The following TAFA5 variants were observed in gnomAD, a reference collection of about 807,000 sequenced individuals.
TAFA5 encodes chemokine-like protein TAFA-5.
TAFA5 carries 6 observed loss-of-function variants against 15.3 expected under a neutral mutation model. That is an observed-to-expected ratio of 0.39 (90% CI 0.21 to 0.77). TAFA5 has a LOEUF of 0.77. Ranked by LOEUF, TAFA5 falls within the 30% of genes least tolerant of loss-of-function variation. TAFA5 has a pLI of 0.41. For missense variants in TAFA5, 161 were observed against 193.1 expected, an observed-to-expected ratio of 0.83 and a Z score of 0.98; for synonymous variants, 103 against 80.7, an observed-to-expected ratio of 1.28 and a Z score of -1.48.
chr22:48,691,151 G>A (rs770382618), intron 2 of TAFA5, among the ~76,000 whole-genome samples: 7 of 152,156 alleles, frequency 4.6e-5, no homozygotes, highest in Admixed American at 2.0e-4. Context: ...AGGGCGGCCC[G>A]GGGACCATTG....
intron 1 of TAFA5, among the ~76,000 whole-genome samples, chr22:48,625,509 C>CT (rs1394463042): frequency 6.6e-6 from 1 of 152,216 alleles, no homozygotes; most frequent in Non-Finnish European, 1.5e-5. Context: ...CGGGAAGCAC[C>CT]TTTATCAACT....
chr22:48,661,452 A>G (rs989880890), intron 2 of TAFA5, among the ~76,000 whole-genome samples: 1 of 152,168 alleles, frequency 6.6e-6, no homozygotes. Flanking sequence ...ACCATGCATG[A>G]TGAGCCGGTG....
At chr22:48,603,353 C>T (rs1320010926) in intron 1 of TAFA5, among the ~76,000 whole-genome samples, 6 of 152,230 alleles carry the variant, frequency 3.9e-5, no homozygotes, top group South Asian at 2.1e-4. Flanking sequence ...CTGAGGGAGG[C>T]GGCCACGCAG....
intron 1 of TAFA5, among the ~76,000 whole-genome samples, chr22:48,570,131 T>C (rs1449080183): frequency 2.0e-5 from 3 of 152,228 alleles, no homozygotes; most frequent in Non-Finnish European, 4.4e-5. Flanking sequence ...CCACACTGGA[T>C]GGATTCTGCC....
chr22:48,707,221 A>G (rs1393936661), intron 2 of TAFA5, among the ~76,000 whole-genome samples: 1 of 152,072 alleles, frequency 6.6e-6, no homozygotes, highest in Non-Finnish European at 1.5e-5. Flanking sequence ...CCAGTCAAGG[A>G]TGGGAAATCG....
rs145119470 is a variant in TAFA5 at position 48,644,120 on chromosome 22, TCTC to T, written c.113-2476_113-2474del. 8.9e-3 allele frequency among the ~76,000 whole-genome samples: 1,350 copies of T among 152,342 alleles called. 19 individuals are homozygous for T. The highest frequency in any genetic ancestry group is 0.031 in the African/African-American group (1,288 of 41,566). On this transcript the variant is annotated intron_variant, in intron 1 of 3. Transcript: ENST00000402357. ...TCGTGGTATTTATTCATCCACTTCTTCTCTTGCTCATTTGGTGTCGCCCTTTTC... is the reference window on the plus strand; with the variant it reads ...TCGTGGTATTTATTCATCCACTTCTTTTGCTCATTTGGTGTCGCCCTTTTC...
chr22:48,551,208 CT>C (rs1922843856), intron 1 of TAFA5, among the ~76,000 whole-genome samples: 1 of 152,138 alleles, frequency 6.6e-6, no homozygotes, highest in African/African-American at 2.4e-5. Context: ...CCCAGGGCCC[CT>C]GACCCTGACC....
chr22:48,494,726 C>T (rs761685840), intron 1 of TAFA5, among the ~76,000 whole-genome samples: 5 of 152,184 alleles, frequency 3.3e-5, no homozygotes, highest in Non-Finnish European at 5.9e-5. Flanking sequence ...TCCTCCCTTC[C>T]GGACTTCTCC....
At chr22:48,588,353 G>T (rs940232296) in intron 1 of TAFA5, among the ~76,000 whole-genome samples, 2 of 152,128 alleles carry the variant, frequency 1.3e-5, no homozygotes, top group African/African-American at 4.8e-5. Context: ...CAGTCTCGGC[G>T]GCCGCCCGAG....
chr22:48,670,378 G>A lies in TAFA5; in HGVS notation c.262+23632G>A, dbSNP rs111403533. ...ATGAAGGCTCTTGCTGGACCAAGGC[G>A]CGGAGGACAGAATGCTTAAGCACAC... is the stretch of plus-strand genomic sequence containing the variant. On this transcript the variant is annotated intron_variant, in intron 2 of 3. Transcript: ENST00000402357. 4.5e-3 allele frequency among the ~76,000 whole-genome samples: 690 copies of A among 152,344 alleles called. 4 individuals are homozygous for A. The highest frequency in any genetic ancestry group is 0.013 in the African/African-American group (520 of 41,586).
At chr22:48,658,639 G>A (rs1302495624) in intron 2 of TAFA5, among the ~76,000 whole-genome samples, 1 of 152,232 alleles carries the variant, frequency 6.6e-6, no homozygotes, top group African/African-American at 2.4e-5. Context: ...GTTAAAAGCA[G>A]GGAAGCTGAG....
chr22:48,706,584 A>G (rs931426326), intron 2 of TAFA5, among the ~76,000 whole-genome samples: 9 of 152,348 alleles, frequency 5.9e-5, no homozygotes, highest in South Asian at 2.1e-4. Context: ...ATCTCCCGCC[A>G]TAGGGTTGAA....
intron 1 of TAFA5, among the ~76,000 whole-genome samples, chr22:48,620,933 CCCCCACCCACCCT>C (rs1569051152): frequency 7.0e-4 from 60 of 85,324 alleles, no homozygotes; most frequent in African/African-American, 2.4e-3. Flanking sequence ...TTCATCCATC[CCCCCACCCACCCT>C]ATCTATCCAC....
chr22:48,609,483 A>G (rs1925318887), intron 1 of TAFA5, among the ~76,000 whole-genome samples: 1 of 152,144 alleles, frequency 6.6e-6, no homozygotes, highest in South Asian at 2.1e-4. Context: ...TGGTGTGGAC[A>G]GGGCGCTGGA....
intron 2 of TAFA5, among the ~76,000 whole-genome samples, chr22:48,703,597 C>T (rs901850023): frequency 1.6e-4 from 24 of 152,244 alleles, no homozygotes; most frequent in African/African-American, 4.6e-4. Context: ...TCTGGCCAGC[C>T]GAGCCTTGTG....
At chr22:48,702,046 AT>A (rs1239644346) in intron 2 of TAFA5, among the ~76,000 whole-genome samples, 1 of 152,090 alleles carries the variant, frequency 6.6e-6, no homozygotes, top group East Asian at 1.9e-4. Flanking sequence ...CTGGGGACTC[AT>A]TGCCAGGGAG....
intron 2 of TAFA5, among the ~76,000 whole-genome samples, chr22:48,701,644 T>G (rs1422968615): frequency 6.6e-6 from 1 of 152,210 alleles, no homozygotes; most frequent in African/African-American, 2.4e-5. Context: ...TTTCGGCAAA[T>G]TGATTGGGAG....
chr22:48,742,035 G>A lies in TAFA5; in HGVS notation c.391-7804G>A, dbSNP rs1304823388. On this transcript the variant is annotated intron_variant, in intron 3 of 3. Transcript: ENST00000402357. This position sits in a 1 kb window ranked among gnomAD's most constrained non-coding sequence, Gnocchi z 6.2. ...TGGGGGTAAACACTGTTCCTATCCC[G>A]TGTTACAGACGGGGAAACTGGGGCT... Among the ~76,000 whole-genome samples the A allele has an allele frequency of 3.9e-5, 6 of 152,316 alleles. No individual in the cohort carries two copies. Among genetic ancestry groups the A allele is most frequent in the African/African-American group, 1.2e-4 (5 of 41,568 alleles).
chr22:48,554,458 T>A (rs1451520307), intron 1 of TAFA5, among the ~76,000 whole-genome samples: 4 of 152,232 alleles, frequency 2.6e-5, no homozygotes, highest in African/African-American at 9.6e-5. Flanking sequence ...CCCAACATAT[T>A]ACATTTTTAA....
Sources: allele counts gnomAD v4.1 joint callset (sites outside exome capture counted in the v4.1 genomes callset), GRCh38; gene constraint gnomAD v4.1.1; non-coding constraint Gnocchi (gnomAD v3.1); transcripts MANE v1.5; gene names NCBI Gene and HGNC (gene_info 2026-07-23, HGNC 2026-07-21).